CSMD3: variants seen among roughly 807,000 people sequenced by gnomAD.
CSMD3 encodes CUB and Sushi multiple domains 3.
Under a neutral mutation model 435.2 loss-of-function variants are expected in CSMD3, and 177 were observed. That is an observed-to-expected ratio of 0.41 (90% CI 0.36 to 0.46). The LOEUF is 0.46. CSMD3 is among the 20% of genes least tolerant of loss of function. CSMD3 has a pLI of 0.34. For synonymous variants in CSMD3, 1,656 were observed against 1,520.5 expected (o/e 1.09, Z -2.07); for missense variants, 4,265 against 4,504.6 (o/e 0.95, Z 1.52).
intron 36 of CSMD3, among the ~76,000 whole-genome samples, chr8:112,389,142 A>G (rs1830202997): frequency 3.3e-5 from 5 of 152,198 alleles, no homozygotes. Flanking sequence ...TGGCTCTATT[A>G]GAGTATTAGT....
At position 113,119,913 on chromosome 8, in the gene CSMD3, T is replaced by C. The variant is rs115893970; in HGVS notation, c.710-20950A>G. ...TTTCTATTGCATTTTTGTATTATTG[T>C]CCTGGATTTTTCTCTAAAGTATGGA... On this transcript the variant is annotated intron_variant, in intron 4 of 70. Coordinates refer to ENST00000297405, the MANE Select transcript of CSMD3 (RefSeq NM_198123.2). Among the ~76,000 whole-genome samples the C allele has an allele frequency of 6.2e-3, 941 of 152,038 alleles. 7 individuals are homozygous for C. Among genetic ancestry groups the C allele is most frequent in the African/African-American group, 0.022 (897 of 41,482 alleles).
In CSMD3 at chr8:112,600,699, T is replaced by C. The variant is rs142886903; in HGVS notation, c.3716-13464A>G. ...ATTTTTTTTTCTTTTCTTTTCTTTT[T>C]TTTTGAGACGGAGTCTCCCTCTGTC... On this transcript the variant is annotated intron_variant, in intron 22 of 70. Coordinates refer to ENST00000297405, the MANE Select transcript of CSMD3 (RefSeq NM_198123.2). Among the ~76,000 whole-genome samples, 1,185 of 152,224 alleles carry C rather than the reference T, an allele frequency of 7.8e-3. 12 individuals are homozygous for C. The highest frequency in any genetic ancestry group is 0.027 in the African/African-American group (1,129 of 41,528).
At chr8:112,839,959 A>G (rs184346233) in intron 11 of CSMD3, among the ~76,000 whole-genome samples, 16 of 151,888 alleles carry the variant, frequency 1.1e-4, no homozygotes, top group Non-Finnish European at 2.2e-4. Context: ...TTCTCAATGC[A>G]TGGTCTTTGT....
chr8:112,898,364 T>C (rs1477740826), intron 10 of CSMD3, among the ~76,000 whole-genome samples: 2 of 151,280 alleles, frequency 1.3e-5, no homozygotes, highest in Non-Finnish European at 3.0e-5. Flanking sequence ...ATTTATCACA[T>C]AATATGCATT....
chr8:112,692,486 T>C (rs1224825822), intron 13 of CSMD3, among the ~76,000 whole-genome samples: 1 of 152,144 alleles, frequency 6.6e-6, no homozygotes, highest in African/African-American at 2.4e-5. Flanking sequence ...ATAAGTGAAA[T>C]ATATTCAGTT....
intron 47 of CSMD3, 52 bp downstream of exon 47, chr8:112,318,785 A>T (rs976253783): frequency 8.1e-7 from 1 of 1,237,018 alleles, no homozygotes; most frequent in Non-Finnish European, 1.2e-6. Context: ...ATATTAAGTT[A>T]AACATAAAGC....
intron 18 of CSMD3, among the ~76,000 whole-genome samples, chr8:112,655,920 G>A (rs1477242702): frequency 1.3e-5 from 2 of 151,926 alleles, no homozygotes; most frequent in Non-Finnish European, 2.9e-5. Flanking sequence ...ATGATTTGAT[G>A]CTTCTGATAT....
chr8:112,884,311 T>C (rs534232782), intron 10 of CSMD3, among the ~76,000 whole-genome samples: 37 of 151,902 alleles, frequency 2.4e-4, no homozygotes, highest in African/African-American at 8.7e-4. Context: ...ATGTGAGTGA[T>C]AAAAAATAGT....
intron 12 of CSMD3, among the ~76,000 whole-genome samples, chr8:112,805,404 A>G (rs1318400002): frequency 1.1e-5 from 1 of 94,944 alleles, no homozygotes; most frequent in Non-Finnish European, 2.2e-5. Flanking sequence ...TACAAAAAAC[A>G]TAAGCAATGG....
At chr8:112,760,155 T>C (rs1047068456) in intron 13 of CSMD3, among the ~76,000 whole-genome samples, 1 of 152,190 alleles carries the variant, frequency 6.6e-6, no homozygotes, top group Non-Finnish European at 1.5e-5. Context: ...GAATCAGATA[T>C]TGTGACAAAT....
At chr8:113,113,328 G>A (rs1340493986) in intron 4 of CSMD3, among the ~76,000 whole-genome samples, 1 of 152,076 alleles carries the variant, frequency 6.6e-6, no homozygotes, top group Admixed American at 6.5e-5. Flanking sequence ...GCTGAAATTT[G>A]CAAATAAAAT....
intron 6 of CSMD3, among the ~76,000 whole-genome samples, chr8:112,976,728 A>G (rs2084863074): frequency 6.6e-6 from 1 of 152,160 alleles, no homozygotes; most frequent in Non-Finnish European, 1.5e-5. Flanking sequence ...TGATGAGCTA[A>G]GTACCTTAGA....
chr8:113,261,874 C>T (rs575354640), intron 3 of CSMD3, among the ~76,000 whole-genome samples: 6 of 152,112 alleles, frequency 3.9e-5, no homozygotes, highest in Non-Finnish European at 7.4e-5. Flanking sequence ...TGAAATGCTG[C>T]TTACATGCCA....
intron 13 of CSMD3, among the ~76,000 whole-genome samples, chr8:112,795,116 A>T (rs1176691439): frequency 6.6e-6 from 1 of 152,186 alleles, no homozygotes; most frequent in Non-Finnish European, 1.5e-5. Context: ...CAAGTCACTG[A>T]CAAATTTCCT....
In CSMD3 at chr8:113,013,392, T is replaced by C. The variant is rs183014541; in HGVS notation, c.1030+5675A>G. On this transcript the variant is annotated intron_variant, in intron 6 of 70. Coordinates refer to ENST00000297405, the MANE Select transcript of CSMD3 (RefSeq NM_198123.2). The stretch of plus-strand genomic sequence containing the variant: ...TGTGCTTTCTCATCTGTTCCATATG[T>C]TATTATCTCTTTCCAGTGAAGACTC... Among the ~76,000 whole-genome samples, 3 of 152,178 alleles carry C rather than the reference T, an allele frequency of 2.0e-5. No individual in the cohort carries two copies. The East Asian group carries it at 5.8e-4, about 29-fold the overall frequency.
At chr8:112,845,574 G>T (rs2080295437) in intron 11 of CSMD3, among the ~76,000 whole-genome samples, 1 of 152,040 alleles carries the variant, frequency 6.6e-6, no homozygotes, top group Admixed American at 6.6e-5. Context: ...TAACACAAGA[G>T]TAGTTTAGGT....
At chr8:112,254,802 G>A (rs186228339) in intron 62 of CSMD3, among the ~76,000 whole-genome samples, 8 of 151,980 alleles carry the variant, frequency 5.3e-5, no homozygotes, top group East Asian at 1.9e-4. Flanking sequence ...TAGATGTGTC[G>A]GTTTATTTGA....
In CSMD3 at chr8:113,208,235, G is replaced by T. The variant is rs73701336; in HGVS notation, c.515-34319C>A. ...GATTCCTGAATCTTTATTACATGGT[G>T]TAGTGTATTTAGCAATGTGGGATGG... On this transcript the variant is annotated intron_variant, in intron 3 of 70. Coordinates refer to ENST00000297405, the MANE Select transcript of CSMD3 (RefSeq NM_198123.2). 4.8e-3 allele frequency among the ~76,000 whole-genome samples: 734 copies of T among 152,244 alleles called. 6 individuals are homozygous for T. The highest frequency in any genetic ancestry group is 0.016 in the African/African-American group (665 of 41,556).
intron 49 of CSMD3, among the ~76,000 whole-genome samples, chr8:112,312,659 C>T (rs11992219): frequency 0.035 from 5,284 of 152,142 alleles, 309 homozygotes; most frequent in African/African-American, 0.12. Flanking sequence ...TAGTAATATG[C>T]TGTCAGTCAC....
Sources: gnomAD v4.1 joint callset for allele counts (sites outside exome capture counted in the v4.1 genomes callset) on GRCh38, gnomAD v4.1.1 for gene constraint, MANE v1.5 for transcripts, NCBI Gene and HGNC (gene_info 2026-07-23, HGNC 2026-07-21) for gene names.